RAD51B: variants seen among roughly 807,000 people sequenced by gnomAD.
The protein encoded by RAD51B is DNA repair protein RAD51 homolog 2.
A neutral mutation model predicts 42.2 loss-of-function variants in RAD51B; 38 were observed. That is an observed-to-expected ratio of 0.90 (90% confidence interval 0.70 to 1.18). The LOEUF (loss-of-function observed/expected upper bound fraction) is 1.18. RAD51B is among the 50% of genes most tolerant of loss of function. RAD51B has a pLI of 0.00. For missense variants in RAD51B, 373 were observed against 400.7 expected (o/e 0.93, Z 0.59); for synonymous variants, 154 against 145.2 (o/e 1.06, Z -0.43).
chr14:68,606,966 T>C (rs1891471461), intron 10 of RAD51B, among the ~76,000 whole-genome samples: 1 of 152,286 alleles, frequency 6.6e-6, no homozygotes, highest in Middle Eastern at 3.4e-3. Context: ...ATGTTGAAAT[T>C]AGGGAGTGTC....
At chr14:68,161,542 A>G (rs1595491846) in intron 7 of RAD51B, among the ~76,000 whole-genome samples, 1 of 152,296 alleles carries the variant, frequency 6.6e-6, no homozygotes, top group South Asian at 2.1e-4. Flanking sequence ...GATTGAGAGT[A>G]GAAGAGATCT....
At chr14:68,203,636 A>C (rs936833479) in intron 7 of RAD51B, among the ~76,000 whole-genome samples, 4 of 151,980 alleles carry the variant, frequency 2.6e-5, no homozygotes, top group African/African-American at 9.7e-5. Context: ...TCTGCTCTTG[A>C]GCTTTGACAG....
At chr14:68,278,213 T>G (rs1395402898) in intron 7 of RAD51B, among the ~76,000 whole-genome samples, 1 of 152,236 alleles carries the variant, frequency 6.6e-6, no homozygotes, top group Non-Finnish European at 1.5e-5. Flanking sequence ...TGAGTTACCC[T>G]TATACTATTT....
intron 10 of RAD51B, among the ~76,000 whole-genome samples, chr14:68,633,946 C>G (rs1226736257): frequency 6.6e-6 from 1 of 152,218 alleles, no homozygotes; most frequent in African/African-American, 2.4e-5. Flanking sequence ...ACCTTGGGCC[C>G]ATCCAAAATG....
intron 10 of RAD51B, among the ~76,000 whole-genome samples, chr14:68,572,758 C>G (rs1275214908): frequency 6.6e-6 from 1 of 152,180 alleles, no homozygotes; most frequent in African/African-American, 2.4e-5. Flanking sequence ...ATGCTCTTCC[C>G]CTGCTGACCT....
At chr14:68,014,174 C>G (rs1353451204) in intron 7 of RAD51B, among the ~76,000 whole-genome samples, 1 of 149,636 alleles carries the variant, frequency 6.7e-6, no homozygotes, top group Non-Finnish European at 1.5e-5. Context: ...TGCCTTTTCT[C>G]TCTCCCTCTC....
chr14:68,666,787 C>T (rs1415339455), intron 11 of RAD51B, among the ~76,000 whole-genome samples: 1 of 152,168 alleles, frequency 6.6e-6, no homozygotes, highest in Admixed American at 6.5e-5. Flanking sequence ...CATGAAATTA[C>T]TTTCTCTAAT....
At chr14:67,986,884 A>G (rs998482846) in intron 7 of RAD51B, among the ~76,000 whole-genome samples, 1 of 152,078 alleles carries the variant, frequency 6.6e-6, no homozygotes, top group Non-Finnish European at 1.5e-5. Flanking sequence ...GGCACACACC[A>G]CCATGCCCAG....
At position 68,023,279 on chromosome 14, in the gene RAD51B, G is replaced by A. The variant is rs147471165; in HGVS notation, c.756+136075G>A. Among the ~76,000 whole-genome samples, 132 of 152,190 alleles carry A rather than the reference G, an allele frequency of 8.7e-4. 4 individuals carry two copies. The East Asian group carries it at 0.017, about 19-fold the overall frequency. ...ACTAATTTGCAGTCCCACCAGTGGC[G>A]TATAAACATTCCCTTTTCTCCACAA... On this transcript the variant is annotated intron_variant, in intron 7 of 10. Coordinates refer to ENST00000471583, the MANE Select transcript of RAD51B (RefSeq NM_133510.4).
intron 10 of RAD51B, among the ~76,000 whole-genome samples, chr14:68,496,671 G>A (rs968881563): frequency 1.9e-4 from 29 of 152,228 alleles, no homozygotes; most frequent in Admixed American, 1.5e-3. Flanking sequence ...GCCTTCTGGC[G>A]CATGGCAGGA....
chr14:68,437,653 G>C (rs1051715275), intron 9 of RAD51B, among the ~76,000 whole-genome samples: 16 of 152,104 alleles, frequency 1.1e-4, no homozygotes, highest in Non-Finnish European at 2.2e-4. Flanking sequence ...GCCAAATGCT[G>C]GGAAAAGTAA....
At chr14:68,682,255 C>T (rs1893447210) in intron 11 of RAD51B, among the ~76,000 whole-genome samples, 1 of 152,162 alleles carries the variant, frequency 6.6e-6, no homozygotes, top group Non-Finnish European at 1.5e-5. Flanking sequence ...CTATCTACAC[C>T]AATCTGTCTC....
intron 10 of RAD51B, among the ~76,000 whole-genome samples, chr14:68,648,064 T>C (rs1178646769): frequency 7.8e-6 from 1 of 128,700 alleles, no homozygotes; most frequent in East Asian, 2.1e-4. Flanking sequence ...TGTGTGTGTA[T>C]ATATATATAC....
intron 10 of RAD51B, among the ~76,000 whole-genome samples, chr14:68,505,148 C>CA (rs1485293360): frequency 1.3e-5 from 2 of 152,202 alleles, no homozygotes; most frequent in African/African-American, 4.8e-5. Context: ...CAAGGAACCC[C>CA]ACGGAGATTC....
intron 9 of RAD51B, chr14:68,421,680 A>G (rs1441975435): frequency 2.6e-6 from 4 of 1,555,378 alleles, no homozygotes; most frequent in Non-Finnish European, 3.5e-6. Context: ...GGTGGTTAAG[A>G]TAAAACACAA....
intron 7 of RAD51B, among the ~76,000 whole-genome samples, chr14:67,890,833 A>AT (rs1344899977): frequency 6.6e-6 from 1 of 151,910 alleles, no homozygotes; most frequent in Non-Finnish European, 1.5e-5. Context: ...CATAATTTGA[A>AT]TTTTTTTATG....
chr14:67,982,665 A>G (rs972609065), intron 7 of RAD51B, among the ~76,000 whole-genome samples: 7 of 151,920 alleles, frequency 4.6e-5, no homozygotes, highest in Non-Finnish European at 8.8e-5. Flanking sequence ...GGCCATCTCA[A>G]TCTTTATCTA....
chr14:68,558,901 C>T (rs1263420128), intron 10 of RAD51B, among the ~76,000 whole-genome samples: 3 of 152,060 alleles, frequency 2.0e-5, no homozygotes, highest in Non-Finnish European at 4.4e-5. Context: ...TTGTCCATGG[C>T]CTTATAGGGA....
chr14:68,130,757 A>G (rs958877658), intron 7 of RAD51B, among the ~76,000 whole-genome samples: 1 of 152,206 alleles, frequency 6.6e-6, no homozygotes, highest in Admixed American at 6.5e-5. Context: ...TTCACTTCCT[A>G]TGGGAATTCC....
Sources: gnomAD v4.1 joint callset for allele counts (sites outside exome capture counted in the v4.1 genomes callset) on GRCh38, gnomAD v4.1.1 for gene constraint, MANE v1.5 for transcripts, NCBI Gene and HGNC (gene_info 2026-07-23, HGNC 2026-07-21) for gene names.